Variants in SDK1 observed in about 807,000 individuals in gnomAD.
SDK1 encodes protein sidekick-1.
Under a neutral mutation model 245.5 loss-of-function variants are expected in SDK1, and 157 were observed. The observed-to-expected ratio is 0.64, with a 90% CI of 0.56 to 0.73. The LOEUF (loss-of-function observed/expected upper bound fraction) is 0.73, where lower values mean the gene tolerates loss of function less well. SDK1 is among the 30% of genes least tolerant of loss of function. SDK1 has a pLI of 0.00. For synonymous variants in SDK1, 1,647 were observed against 1,278.5 expected (o/e 1.29, Z -6.15); for missense variants, 3,583 against 3,002.3 (o/e 1.19, Z -4.52).
At chr7:4,182,649 T>G (rs1782665109) in intron 35 of SDK1, among the ~76,000 whole-genome samples, 2 of 152,224 alleles carry the variant, frequency 1.3e-5, no homozygotes, top group Admixed American at 6.5e-5. Context: ...CTATGGTCTC[T>G]GTCCCTGTAA....
At chr7:4,199,623 C>T (rs1783774979) in intron 35 of SDK1, among the ~76,000 whole-genome samples, 1 of 152,138 alleles carries the variant, frequency 6.6e-6, no homozygotes, top group Non-Finnish European at 1.5e-5. Context: ...TAAAGCTACT[C>T]GGTTTGTTAG....
At chr7:4,238,585 G>A (rs1173521601) in intron 42 of SDK1, among the ~76,000 whole-genome samples, 1 of 149,852 alleles carries the variant, frequency 6.7e-6, no homozygotes, top group Non-Finnish European at 1.5e-5. Flanking sequence ...AATTTGAGAT[G>A]GAGTTTCACT....
At position 4,194,412 on chromosome 7, in the gene SDK1, A is replaced by G. The variant is rs1419616720; in HGVS notation, c.5099-11467A>G. Among the ~76,000 whole-genome samples, 9 of 115,796 alleles carry G rather than the reference A, an allele frequency of 7.8e-5. 2 individuals are homozygous for G. Among genetic ancestry groups the G allele is most frequent in the Admixed American group, 3.9e-4 (5 of 12,690 alleles). 76.0% of individuals were successfully genotyped at this position (115,796 alleles called of 152,430 possible). ...CATGTATACATATATGTATGCACAT[A>G]TGTGTATACATGTATACGTATATAC... On this transcript the variant is annotated intron_variant, in intron 35 of 44. Transcript: ENST00000404826.
intron 28 of SDK1, among the ~76,000 whole-genome samples, chr7:4,139,663 ATG>A (rs746204966): frequency 0.099 from 7,396 of 74,854 alleles, 1,505 homozygotes; most frequent in African/African-American, 0.2. Context: ...GTGTGTGTAT[ATG>A]TGTGTGTGTA....
intron 5 of SDK1, among the ~76,000 whole-genome samples, chr7:3,843,572 A>G (rs1780208651): frequency 6.6e-6 from 1 of 152,210 alleles, no homozygotes. Flanking sequence ...TTAATTCATT[A>G]TGCTTTTGAT....
chr7:3,377,484 G>A (rs1488639963), intron 1 of SDK1, among the ~76,000 whole-genome samples: 1 of 152,204 alleles, frequency 6.6e-6, no homozygotes, highest in South Asian at 2.1e-4. Context: ...GGGAAAGCTG[G>A]GTTCCCCCCA....
intron 5 of SDK1, among the ~76,000 whole-genome samples, chr7:3,941,985 C>T (rs897516481): frequency 1.3e-4 from 19 of 151,368 alleles, no homozygotes; most frequent in Middle Eastern, 3.4e-3. Context: ...CTTGGCTCAC[C>T]TCAAGCTCCG....
chr7:3,820,207 C>T (rs1052018873), intron 4 of SDK1, among the ~76,000 whole-genome samples: 10 of 151,986 alleles, frequency 6.6e-5, no homozygotes, highest in Admixed American at 4.6e-4. Context: ...TGGGGTGTGG[C>T]GGCGTGATCT....
At chr7:3,359,906 G>C (rs929225624) in intron 1 of SDK1, among the ~76,000 whole-genome samples, 4 of 152,132 alleles carry the variant, frequency 2.6e-5, no homozygotes, top group African/African-American at 9.7e-5. Context: ...GCTCTGTTTG[G>C]CTGAATGAAT....
intron 32 of SDK1, among the ~76,000 whole-genome samples, chr7:4,162,956 G>T (rs904469255): frequency 7.2e-5 from 11 of 152,216 alleles, no homozygotes; most frequent in Non-Finnish European, 1.5e-4. Flanking sequence ...AGAGTGGGGC[G>T]GGGAGCTGTG....
chr7:4,175,769 C>G lies in SDK1; in HGVS notation c.4937-6C>G, dbSNP rs766155451. 2.5e-6 allele frequency: 4 copies of G among 1,613,586 alleles called. No individual in the cohort carries two copies. The highest frequency in any genetic ancestry group is 4.5e-5 in the East Asian group (2 of 44,882). ...AACCACCTTTCTGCTTTGCTTACCC[C>G]AATAGCCCAAAGCAGCTTCAAGACG... is the stretch of plus-strand genomic sequence containing the variant. On this transcript the variant is annotated splice_polypyrimidine_tract_variant and splice_region_variant and intron_variant, in intron 33 of 44. Transcript: ENST00000404826.
At chr7:3,580,501 C>A (rs544089830) in intron 1 of SDK1, among the ~76,000 whole-genome samples, 3 of 152,228 alleles carry the variant, frequency 2.0e-5, no homozygotes, top group South Asian at 4.2e-4. Flanking sequence ...ACACCTAGAA[C>A]CATCTGATCT....
chr7:3,705,483 TTTATTTTATTTTTTA>T (rs1181929185), intron 4 of SDK1, among the ~76,000 whole-genome samples: 12 of 143,558 alleles, frequency 8.4e-5, no homozygotes, highest in Non-Finnish European at 1.5e-4. Flanking sequence ...TTTATTTTAT[TTTATTTTATTTTTTA>T]TTTTATTTTT....
intron 5 of SDK1, among the ~76,000 whole-genome samples, chr7:3,928,517 A>AT (rs1301329291): frequency 1.3e-5 from 2 of 151,856 alleles, no homozygotes; most frequent in East Asian, 3.9e-4. Context: ...TGTAGGACTG[A>AT]TTTTATCTAG....
chr7:4,149,194 C>A, intron 29 of SDK1, 68 bp from the exon 30 acceptor site: 1 of 1,327,998 alleles, frequency 7.5e-7, no homozygotes, highest in Non-Finnish European at 1.0e-6. Flanking sequence ...GCAGCGTAGC[C>A]TCCTGGGGAT....
intron 5 of SDK1, among the ~76,000 whole-genome samples, chr7:3,913,580 ACCGTGCC>A (rs1562532463): frequency 6.6e-6 from 1 of 152,056 alleles, no homozygotes; most frequent in Non-Finnish European, 1.5e-5. Flanking sequence ...GGCGTGAGCC[ACCGTGCC>A]CGGCCCTGTT....
intron 5 of SDK1, among the ~76,000 whole-genome samples, chr7:3,835,449 C>A (rs10281665): frequency 0.08 from 12,240 of 152,146 alleles, 1,613 homozygotes; most frequent in African/African-American, 0.27. Context: ...GTGAGATGGG[C>A]TTTACTACGT....
chr7:4,099,400 G>A (rs1258793426), intron 22 of SDK1, among the ~76,000 whole-genome samples: 1 of 141,724 alleles, frequency 7.1e-6, no homozygotes, highest in Non-Finnish European at 1.5e-5. Flanking sequence ...ACTGTGGCAG[G>A]AGCCTCTGCT....
chr7:3,362,693 A>G (rs955438424), intron 1 of SDK1, among the ~76,000 whole-genome samples: 2 of 152,192 alleles, frequency 1.3e-5, no homozygotes, highest in African/African-American at 4.8e-5. Flanking sequence ...AATATTGAAA[A>G]TGGGAAACAA....
Sources: gnomAD v4.1 joint callset for allele counts (sites outside exome capture counted in the v4.1 genomes callset) on GRCh38, gnomAD v4.1.1 for gene constraint, MANE v1.5 for transcripts, NCBI Gene and HGNC (gene_info 2026-07-23, HGNC 2026-07-21) for gene names.